The following NPAS3 variants were observed in gnomAD, a reference collection of about 807,000 sequenced individuals.
NPAS3 encodes neuronal PAS domain protein 3.
In NPAS3, 14 loss-of-function variants were observed where a neutral mutation model predicts 73.1. That is an observed-to-expected ratio of 0.19 (90% CI 0.13 to 0.30). The LOEUF (loss-of-function observed/expected upper bound fraction) is 0.30, where lower values mean the gene tolerates loss of function less well. NPAS3 is among the 10% of genes least tolerant of loss of function. The probability of loss-of-function intolerance (pLI) is 1.00; values close to 1 mark genes in which losing one functional copy is unlikely to be tolerated. For synonymous variants in NPAS3, 620 were observed against 541.5 expected (o/e 1.14, Z -2.01); for missense variants, 1,096 against 1,250.0 (o/e 0.88, Z 1.86).
intron 1 of NPAS3, among the ~76,000 whole-genome samples, chr14:32,962,603 G>A (rs546233042): frequency 1.7e-5 from 2 of 119,462 alleles, no homozygotes; most frequent in South Asian, 2.6e-4. Context: ...ACTGGGTCTC[G>A]CTCTGTCACC....
intron 1 of NPAS3, among the ~76,000 whole-genome samples, chr14:32,986,889 T>G (rs1487633272): frequency 6.6e-6 from 1 of 152,188 alleles, no homozygotes; most frequent in African/African-American, 2.4e-5. Flanking sequence ...AATGGAAGAC[T>G]TTTCAGTGAT....
intron 4 of NPAS3, among the ~76,000 whole-genome samples, chr14:33,520,323 G>A (rs1470776341): frequency 2.0e-5 from 3 of 152,038 alleles, no homozygotes; most frequent in Non-Finnish European, 2.9e-5. Flanking sequence ...GCTTTGAGAC[G>A]AAATAGGGTC....
At chr14:33,434,774 A>T (rs1451164805) in intron 4 of NPAS3, among the ~76,000 whole-genome samples, 1 of 152,240 alleles carries the variant, frequency 6.6e-6, no homozygotes, top group Non-Finnish European at 1.5e-5. Flanking sequence ...GAGTTGAATA[A>T]ATTTTGTTTA....
chr14:33,320,102 A>G (rs186708016), intron 3 of NPAS3, among the ~76,000 whole-genome samples: 1 of 152,214 alleles, frequency 6.6e-6, no homozygotes, highest in African/African-American at 2.4e-5. Context: ...GAAAGGGTAT[A>G]ATGTTGGTTG....
chr14:33,533,266 A>G (rs1027400205), intron 4 of NPAS3, among the ~76,000 whole-genome samples: 2 of 152,194 alleles, frequency 1.3e-5, no homozygotes, highest in Non-Finnish European at 2.9e-5. Flanking sequence ...AAGGCAAAGG[A>G]TAAATAACCA....
chr14:33,075,945 T>C (rs1390490015), intron 2 of NPAS3, among the ~76,000 whole-genome samples: 1 of 152,198 alleles, frequency 6.6e-6, no homozygotes, highest in Non-Finnish European at 1.5e-5. Flanking sequence ...TCTGTTTTTA[T>C]AACAATTAGA....
At position 33,515,043 on chromosome 14, in the gene NPAS3, C is replaced by A. The variant is rs1156943280; in HGVS notation, c.469-45078C>A. 2.6e-5 allele frequency among the ~76,000 whole-genome samples: 4 copies of A among 152,194 alleles called. No homozygotes were observed. In the South Asian group the frequency reaches 8.3e-4, roughly 32 times the overall value. ...TTATGACTTGCCCAATGTTACACAG[C>A]GAATCTGTGACCAGAATCCAGGTGT... is the stretch of plus-strand genomic sequence containing the variant. On this transcript the variant is annotated intron_variant, in intron 4 of 11. Coordinates refer to ENST00000356141, the Ensembl canonical transcript of NPAS3.
intron 2 of NPAS3, among the ~76,000 whole-genome samples, chr14:33,123,842 G>GT (rs2043323691): frequency 6.9e-6 from 1 of 144,690 alleles, no homozygotes; most frequent in South Asian, 2.2e-4. Flanking sequence ...TTTCTGTGAA[G>GT]TTTTTTCTTT....
intron 2 of NPAS3, among the ~76,000 whole-genome samples, chr14:33,074,634 G>A (rs910768908): frequency 1.3e-5 from 2 of 152,116 alleles, no homozygotes; most frequent in East Asian, 1.9e-4. Flanking sequence ...CCAGGCTGAT[G>A]TGGAACTCCC....
At chr14:33,109,745 T>C (rs1398245480) in intron 2 of NPAS3, among the ~76,000 whole-genome samples, 3 of 151,992 alleles carry the variant, frequency 2.0e-5, no homozygotes, top group South Asian at 2.1e-4. Flanking sequence ...CAATACTGTT[T>C]ATGTTTTTCA....
chr14:33,269,695 C>T (rs2040981145), intron 3 of NPAS3, among the ~76,000 whole-genome samples: 2 of 152,074 alleles, frequency 1.3e-5, no homozygotes, highest in South Asian at 2.1e-4. Context: ...CTTCAGATGG[C>T]CTCTGATATA....
intron 4 of NPAS3, among the ~76,000 whole-genome samples, chr14:33,495,750 A>C (rs2052150438): frequency 6.6e-6 from 1 of 151,578 alleles, no homozygotes. Context: ...TCTTTTTTTT[A>C]ATCTTTGTTT....
chr14:33,291,139 C>T (rs1225436667), intron 3 of NPAS3, among the ~76,000 whole-genome samples: 1 of 151,978 alleles, frequency 6.6e-6, no homozygotes, highest in African/African-American at 2.4e-5. Flanking sequence ...CCTATGGAGC[C>T]AGAGGGGAAA....
intron 3 of NPAS3, among the ~76,000 whole-genome samples, chr14:33,246,588 T>TATCTTCAG (rs1361441913): frequency 6.6e-6 from 1 of 151,028 alleles, no homozygotes; most frequent in Non-Finnish European, 1.5e-5. Context: ...GTTCCTTTCC[T>TATCTTCAG]ATCTTCAGAG....
At chr14:33,446,164 TTC>T (rs2049483700) in intron 4 of NPAS3, among the ~76,000 whole-genome samples, 4 of 120,746 alleles carry the variant, frequency 3.3e-5, no homozygotes, top group African/African-American at 1.5e-4. Flanking sequence ...ACTTCATGCT[TTC>T]TTTTTTTTTT....
chr14:33,762,163 A>G (rs1237898052), intron 7 of NPAS3, among the ~76,000 whole-genome samples: 1 of 152,242 alleles, frequency 6.6e-6, no homozygotes, highest in Non-Finnish European at 1.5e-5. Context: ...ACTACTCTAT[A>G]TTCACTCAGA....
intron 1 of NPAS3, among the ~76,000 whole-genome samples, chr14:32,956,204 A>T (rs1263993381): frequency 6.6e-6 from 1 of 152,130 alleles, no homozygotes; most frequent in African/African-American, 2.4e-5. Flanking sequence ...TTAATTCTGT[A>T]TTTCACAAAA....
intron 2 of NPAS3, among the ~76,000 whole-genome samples, chr14:33,062,492 A>T (rs1240708649): frequency 6.6e-6 from 1 of 152,208 alleles, no homozygotes; most frequent in Non-Finnish European, 1.5e-5. Flanking sequence ...TTCAAGATAA[A>T]CGAATGCCAG....
chr14:33,774,394 G>T, exon 8 of NPAS3: 3 of 1,614,052 alleles, frequency 1.9e-6, no homozygotes, highest in Non-Finnish European at 2.5e-6. Flanking sequence ...CGGGAGGACC[G>T]TCCCCAGCCA....
Sources: allele counts gnomAD v4.1 joint callset (sites outside exome capture counted in the v4.1 genomes callset), GRCh38; gene constraint gnomAD v4.1.1; transcripts MANE v1.5; gene names NCBI Gene and HGNC (gene_info 2026-07-23, HGNC 2026-07-21).